KNTC1: variants seen among roughly 807,000 people sequenced by gnomAD.
The protein encoded by KNTC1 is kinetochore-associated protein 1.
A neutral mutation model predicts 314.4 loss-of-function variants in KNTC1; 253 were observed. The observed-to-expected ratio is 0.80, with a 90% CI of 0.73 to 0.89. The LOEUF (loss-of-function observed/expected upper bound fraction) is 0.89, where lower values mean the gene tolerates loss of function less well. Among genes scored for constraint, KNTC1 ranks in the 40% least tolerant of loss-of-function variants. The pLI is 0.00. For synonymous variants in KNTC1, 901 were observed against 901.4 expected (o/e 1.00, Z 0.01); for missense variants, 2,475 against 2,572.9 (o/e 0.96, Z 0.82).
At chr12:122,598,547 A>C (rs974647667) in intron 44 of KNTC1, among the ~76,000 whole-genome samples, 2 of 146,428 alleles carry the variant, frequency 1.4e-5, no homozygotes, top group Non-Finnish European at 3.0e-5. Flanking sequence ...CAGCCTCCCG[A>C]ATAGCTGGAA....
intron 36 of KNTC1, among the ~76,000 whole-genome samples, chr12:122,585,210 A>C: frequency 6.6e-6 from 1 of 152,116 alleles, no homozygotes; most frequent in South Asian, 2.1e-4. Context: ...AATTAAAAAA[A>C]AATTTTTTTT....
chr12:122,605,388 G>T lies in KNTC1; in HGVS notation c.5469G>T (p.Trp1823Cys). ...TCTGGGACATGTTGTTGGAAAAATG[G>T]CTATGCCCTTCAACAAAACCTGGTG... ...EKVWDMLLEKWLCPSTKPGEK... is the reference protein window; with the variant it reads ...EKVWDMLLEKCLCPSTKPGEK... The change falls in exon 51 of 64, where the codon TGG becomes TGT. Residue 1823 changes from tryptophan (W) to cysteine (C), a missense_variant. Coordinates refer to ENST00000333479, the MANE Select transcript of KNTC1 (RefSeq NM_014708.6). 1 of 1,598,942 alleles carries T rather than the reference G, an allele frequency of 6.3e-7. No individual in the cohort carries two copies. The highest frequency in any genetic ancestry group is 8.5e-7 in the Non-Finnish European group (1 of 1,171,366).
chr12:122,623,448 C>T (rs1047281224), intron 62 of KNTC1, among the ~76,000 whole-genome samples: 1 of 152,148 alleles, frequency 6.6e-6, no homozygotes, highest in African/African-American at 2.4e-5. Context: ...TTCTCATTAC[C>T]ACTCCATGGA....
chr12:122,607,422 A>C (rs561711412), intron 51 of KNTC1, among the ~76,000 whole-genome samples: 1 of 152,200 alleles, frequency 6.6e-6, no homozygotes, highest in Non-Finnish European at 1.5e-5. Flanking sequence ...TATGATATTG[A>C]CATTTTTGAA....
intron 8 of KNTC1, among the ~76,000 whole-genome samples, chr12:122,545,592 T>C (rs2137736115): frequency 6.6e-6 from 1 of 152,348 alleles, no homozygotes; most frequent in East Asian, 1.9e-4. Flanking sequence ...TTAATCATAA[T>C]CCTGGAAGAG....
At position 122,613,774 on chromosome 12, in the gene KNTC1, C is replaced by T. The variant is rs1205183160; in HGVS notation, c.5877+13C>T. The T allele has an allele frequency of 6.3e-7, 1 of 1,582,072 alleles. No individual in the cohort carries two copies. The highest frequency in any genetic ancestry group is 1.9e-5 in the Admixed American group (1 of 51,954). On this transcript the variant is annotated intron_variant, in intron 55 of 63. Coordinates refer to ENST00000333479, the MANE Select transcript of KNTC1 (RefSeq NM_014708.6). ...CCACGAGTCCATGGTAGGTACACCTCACTGCCCCATTCCCAATTCCCTGCC... is the reference window on the plus strand; with the variant it reads ...CCACGAGTCCATGGTAGGTACACCTTACTGCCCCATTCCCAATTCCCTGCC...
At chr12:122,622,887 GC>G in intron 62 of KNTC1, among the ~76,000 whole-genome samples, 1 of 152,078 alleles carries the variant, frequency 6.6e-6, no homozygotes, top group Admixed American at 6.6e-5. Context: ...GGCAGAGGTT[GC>G]AGTGAGCCGA....
intron 38 of KNTC1, among the ~76,000 whole-genome samples, chr12:122,587,346 A>G (rs1354865349): frequency 6.6e-6 from 1 of 152,192 alleles, no homozygotes; most frequent in African/African-American, 2.4e-5. Flanking sequence ...TAATATCCTT[A>G]ATGTAATTGT....
chr12:122,584,634 A>G (rs1049603177), intron 35 of KNTC1, among the ~76,000 whole-genome samples, 184 bp downstream of exon 35: 8 of 152,220 alleles, frequency 5.3e-5, no homozygotes, highest in Non-Finnish European at 7.3e-5. Context: ...ATTTCAAAAT[A>G]CTAACAATGT....
At chr12:122,566,416 T>G (rs1251310409) in intron 20 of KNTC1, among the ~76,000 whole-genome samples, 2 of 151,460 alleles carry the variant, frequency 1.3e-5, no homozygotes. Flanking sequence ...GATAATTTTT[T>G]TTTTTTCTTT....
At position 122,547,454 on chromosome 12, in the gene KNTC1, G is replaced by T; in HGVS notation, c.856G>T (p.Val286Leu). ...SLWDIYTLTP[V>L]WNWPSLHVEE... ...ATGGGATATTTACACTCTAACTCCTGTATGGAACTGGCCCTCTCTTCACGT... is the reference window on the plus strand; with the variant it reads ...ATGGGATATTTACACTCTAACTCCTTTATGGAACTGGCCCTCTCTTCACGT... Residue 286 changes from valine to leucine, a missense_variant, in exon 11 of 64, where the codon GTA becomes TTA. Transcript: ENST00000333479. The T allele has an allele frequency of 6.2e-7, 1 of 1,613,056 alleles. No homozygotes were observed. The highest frequency in any genetic ancestry group is 8.5e-7 in the Non-Finnish European group (1 of 1,179,182).
At chr12:122,599,878 C>A (rs1871599826) in intron 44 of KNTC1, among the ~76,000 whole-genome samples, 1 of 151,940 alleles carries the variant, frequency 6.6e-6, no homozygotes, top group African/African-American at 2.4e-5. Context: ...ATTAGTTAGG[C>A]CTAGTAGTAC....
rs12311386 is a variant in KNTC1 at position 122,554,078 on chromosome 12, T to A, written c.1272+2382T>A. Among the ~76,000 whole-genome samples the A allele has an allele frequency of 9.2e-3, 853 of 92,304 alleles. 3 individuals are homozygous for A. Among genetic ancestry groups the A allele is most frequent in the East Asian group, 0.02 (62 of 3,084 alleles). The allele number at this position is 92,304 out of a possible 152,430, so 60.6% of individuals were successfully genotyped here. A position where few individuals can be genotyped will look rare whatever the true frequency, so the allele number is the denominator to read the frequency against. On this transcript the variant is annotated intron_variant, in intron 16 of 63. Transcript: ENST00000333479. Reference sequence around the variant, plus strand: ...GAATACTTCCTTAAAAAAAAAAAAATATATATATATATATATATATATTTG... The same window carrying A: ...GAATACTTCCTTAAAAAAAAAAAAAAATATATATATATATATATATATTTG...
intron 8 of KNTC1, among the ~76,000 whole-genome samples, chr12:122,544,611 A>G (rs1427494149): frequency 6.6e-6 from 1 of 152,204 alleles, no homozygotes; most frequent in Non-Finnish European, 1.5e-5. Context: ...CTTGAAATAA[A>G]TATTTACACA....
rs1404829777 is a variant in KNTC1, at chr12:122,547,894, A to G, written c.933-21A>G. 3 of 1,403,812 alleles carry G rather than the reference A, an allele frequency of 2.1e-6. No individual in the cohort carries two copies. The African/African-American group carries it at 4.4e-5, about 20-fold the overall frequency. The allele number at this position is 1,403,812 out of a possible 1,614,324, so 87.0% of individuals were successfully genotyped here. A position where few individuals can be genotyped will look rare whatever the true frequency, so the allele number is the denominator to read the frequency against. ...GTGTAAAAGTTTACTTGAATTATTT[A>G]AAGGTTCTTTTCTCTTTTAGGCAAG... On this transcript the variant is annotated intron_variant, in intron 11 of 63. Transcript: ENST00000333479.
At chr12:122,558,274 C>T (rs955177918) in intron 18 of KNTC1, among the ~76,000 whole-genome samples, 4 of 146,716 alleles carry the variant, frequency 2.7e-5, no homozygotes, top group African/African-American at 7.6e-5. Context: ...AGGCTATGTG[C>T]GGTGGCTTAC....
Position 122,529,995 on chromosome 12 carries a change from T to A in KNTC1, c.-69T>A. ...AACCAGGTTCTATGCAACAAGATAA[T>A]ATGGTGTCTAATTTTATGTTGTTCA... On this transcript the variant is annotated 5_prime_UTR_variant, in exon 2 of 64. Coordinates refer to ENST00000333479, the MANE Select transcript of KNTC1 (RefSeq NM_014708.6). 6.5e-7 allele frequency: 1 copy of A among 1,532,114 alleles called. No homozygotes were observed. The highest frequency in any genetic ancestry group is 1.2e-5 in the South Asian group (1 of 82,490). 94.9% of individuals were successfully genotyped at this position (1,532,114 alleles called of 1,614,324 possible).
At chr12:122,625,142 C>T (rs1423362202) in intron 63 of KNTC1, among the ~76,000 whole-genome samples, 1 of 152,184 alleles carries the variant, frequency 6.6e-6, no homozygotes, top group African/African-American at 2.4e-5. Context: ...CGGTGGCTCA[C>T]ACCTGTAATC....
At position 122,602,711 on chromosome 12, in the gene KNTC1, G is replaced by A. The variant is rs1794728372; in HGVS notation, c.4796G>A (p.Gly1599Asp). 2.5e-6 allele frequency: 4 copies of A among 1,613,672 alleles called. No homozygotes were observed. The highest frequency in any genetic ancestry group is 3.4e-6 in the Non-Finnish European group (4 of 1,179,834). Reference protein sequence around the residue: ...TRLPFHLIFFGTAQNFWKILS... With the variant: ...TRLPFHLIFFDTAQNFWKILS... ...CTGCCTTTTCACCTGATATTCTTTG[G>A]CACAGCACAGAACTTCTGGAAAATT... Residue 1599 changes from glycine to aspartate, a missense_variant, in exon 46 of 64, where the codon GGC becomes GAC. Transcript: ENST00000333479.
Sources: gnomAD v4.1 joint callset for allele counts (sites outside exome capture counted in the v4.1 genomes callset) on GRCh38, gnomAD v4.1.1 for gene constraint, MANE v1.5 for transcripts, NCBI Gene and HGNC (gene_info 2026-07-23, HGNC 2026-07-21) for gene names.